CRACDL: variants seen among roughly 807,000 people sequenced by gnomAD.
CRACDL encodes CRACD like, also known as CRACD-like protein.
A neutral mutation model predicts 70.6 loss-of-function variants in CRACDL; 26 were observed. That is an observed-to-expected ratio of 0.37 (90% CI 0.27 to 0.51). The LOEUF (loss-of-function observed/expected upper bound fraction) is 0.51, where lower values mean the gene tolerates loss of function less well. CRACDL is among the 20% of genes least tolerant of loss of function. The pLI, the probability that CRACDL is intolerant of heterozygous loss-of-function variation, is 0.94. For synonymous variants in CRACDL, 618 were observed against 615.2 expected (o/e 1.00, Z -0.07); for missense variants, 1,283 against 1,376.9 (o/e 0.93, Z 1.08).
chr2:98,930,099 G>A (rs184769473), intron 1 of CRACDL, among the ~76,000 whole-genome samples: 61 of 152,184 alleles, frequency 4.0e-4, no homozygotes, highest in African/African-American at 1.3e-3. Flanking sequence ...GAGCCCAGAC[G>A]TGGCAGGGCA....
intron 2 of CRACDL, 27 bp from the exon 3 acceptor site, chr2:98,838,314 A>T: frequency 7.3e-7 from 1 of 1,361,864 alleles, no homozygotes; most frequent in Non-Finnish European, 1.0e-6. Flanking sequence ...AAAAAATAAT[A>T]AATAAGACTG....
At chr2:98,839,100 A>G (rs1373718651) in intron 2 of CRACDL, among the ~76,000 whole-genome samples, 1 of 152,186 alleles carries the variant, frequency 6.6e-6, no homozygotes, top group Non-Finnish European at 1.5e-5. Context: ...TACATCCTGA[A>G]AATTTGCACA....
intron 7 of CRACDL, among the ~76,000 whole-genome samples, chr2:98,799,623 C>T (rs1703989877): frequency 1.3e-5 from 2 of 152,310 alleles, no homozygotes; most frequent in South Asian, 4.1e-4. Flanking sequence ...TGAAAGAAGT[C>T]TCCCCGGAGC....
intron 7 of CRACDL, among the ~76,000 whole-genome samples, chr2:98,805,493 C>T (rs1332961363): frequency 6.6e-6 from 1 of 152,132 alleles, no homozygotes; most frequent in African/African-American, 2.4e-5. Context: ...CAAGTGCACC[C>T]TCCGTAGGGC....
intron 7 of CRACDL, among the ~76,000 whole-genome samples, chr2:98,810,855 G>C (rs144657257): frequency 4.7e-4 from 72 of 152,146 alleles, no homozygotes; most frequent in African/African-American, 1.7e-3. Flanking sequence ...GTCAGCAAGA[G>C]GGAGAAAAGC....
intron 5 of CRACDL, among the ~76,000 whole-genome samples, chr2:98,829,274 G>A (rs975671829): frequency 2.6e-5 from 4 of 152,252 alleles, no homozygotes; most frequent in African/African-American, 9.6e-5. Flanking sequence ...CCCCTGGTTA[G>A]GGGACCTTGG....
intron 1 of CRACDL, among the ~76,000 whole-genome samples, chr2:98,893,887 C>T (rs545479234): frequency 6.6e-6 from 1 of 152,342 alleles, no homozygotes; most frequent in African/African-American, 2.4e-5. Flanking sequence ...CACACGAACG[C>T]CCGTGCACCA....
intron 2 of CRACDL, among the ~76,000 whole-genome samples, chr2:98,842,985 A>T (rs552890562): frequency 5.9e-5 from 9 of 151,994 alleles, no homozygotes; most frequent in Non-Finnish European, 1.3e-4. Flanking sequence ...TTAACTTCAC[A>T]AGGAGCTGCC....
At chr2:98,927,291 A>AG in intron 1 of CRACDL, among the ~76,000 whole-genome samples, 1 of 152,330 alleles carries the variant, frequency 6.6e-6, no homozygotes, top group Admixed American at 6.5e-5. Context: ...GCCACGCTGG[A>AG]GGCAGCAGTT....
chr2:98,795,510 T>C (rs1316903538), intron 9 of CRACDL, among the ~76,000 whole-genome samples: 1 of 152,052 alleles, frequency 6.6e-6, no homozygotes, highest in African/African-American at 2.4e-5. Flanking sequence ...AAAAGGCAAA[T>C]CTATAGAGAC....
rs112075284 is a variant in CRACDL, at chr2:98,832,746, A to G, written c.375+116T>C. The G allele has an allele frequency of 1.4e-4, 194 of 1,342,150 alleles. No individual in the cohort carries two copies. In the African/African-American group the frequency reaches 2.4e-3, roughly 16 times the overall value. The allele number at this position is 1,342,150 out of a possible 1,614,324, so 83.1% of individuals were successfully genotyped here. A position where few individuals can be genotyped will look rare whatever the true frequency, so the allele number is the denominator to read the frequency against. On this transcript the variant is annotated intron_variant, in intron 4 of 9. Transcript: ENST00000397899. Reference sequence around the variant, plus strand: ...TTTGGTGTGTCCTGGGGGAGCTGTCATGTACATGTGATTCTACTTTACAGC... The same window carrying G: ...TTTGGTGTGTCCTGGGGGAGCTGTCGTGTACATGTGATTCTACTTTACAGC...
At chr2:98,925,301 T>C (rs992766819) in intron 1 of CRACDL, among the ~76,000 whole-genome samples, 1 of 152,188 alleles carries the variant, frequency 6.6e-6, no homozygotes, top group Non-Finnish European at 1.5e-5. Flanking sequence ...AGTGTTCACC[T>C]GCATTAAGTG....
intron 1 of CRACDL, among the ~76,000 whole-genome samples, chr2:98,929,931 G>A (rs77832239): frequency 0.014 from 2,200 of 152,158 alleles, 68 homozygotes; most frequent in African/African-American, 0.05. Flanking sequence ...AAAGACTCAC[G>A]ATACATTCGA....
chr2:98,893,088 T>A (rs1335401576), intron 1 of CRACDL, among the ~76,000 whole-genome samples: 2 of 152,236 alleles, frequency 1.3e-5, no homozygotes, highest in South Asian at 4.1e-4. Context: ...CCAGGTGCCC[T>A]CAGCCTCCAG....
chr2:98,934,636 A>G (rs1029642210), intron 1 of CRACDL, among the ~76,000 whole-genome samples: 19 of 152,194 alleles, frequency 1.2e-4, no homozygotes, highest in African/African-American at 4.3e-4. Flanking sequence ...TTTATTTTAT[A>G]AGTGAGGAAA....
In CRACDL at chr2:98,822,291, G is replaced by A. The variant is rs750433679; in HGVS notation, c.1982C>T (p.Pro661Leu). 3 of 1,544,254 alleles carry A rather than the reference G, an allele frequency of 1.9e-6. No homozygotes were observed. The highest frequency in any genetic ancestry group is 1.2e-5 in the South Asian group (1 of 83,752). ...RKSPQEAAAAPGTREPCPAAQ... is the reference protein window; with the variant it reads ...RKSPQEAAAALGTREPCPAAQ... The stretch of plus-strand genomic sequence containing the variant: ...GGCTGGGCAGGGCTCTCTCGTGCCG[G>A]GCGCGGCGGCCGCCTCCTGAGGGCT... Residue 661 changes from proline to leucine, a missense_variant, in exon 7 of 10, where the codon CCC becomes CTC. By Grantham distance (98) the Pro-to-Leu change is moderately conservative. This residue lies in a region of CRACDL where 921 missense variants were observed against 881.9 expected (regional missense o/e 1.04). Coordinates refer to ENST00000397899, the MANE Select transcript of CRACDL (RefSeq NM_207362.3). The surrounding 1 kb of genome is among the most constrained non-coding windows in gnomAD (Gnocchi z 4.9).
At chr2:98,931,636 AG>A (rs1709082808) in intron 1 of CRACDL, among the ~76,000 whole-genome samples, 1 of 152,230 alleles carries the variant, frequency 6.6e-6, no homozygotes, top group South Asian at 2.1e-4. Context: ...AGCCAGGAGA[AG>A]GCCTGAGCAA....
chr2:98,797,356 T>C lies in CRACDL; in HGVS notation c.2598A>G (p.Arg866=). 1 of 1,614,150 alleles carries C rather than the reference T, an allele frequency of 6.2e-7. No homozygotes were observed. Among genetic ancestry groups the C allele is most frequent in the South Asian group, 1.1e-5 (1 of 91,078 alleles). The change falls in exon 8 of 10, where the codon AGA becomes AGG. Residue 866 remains arginine (R), a synonymous_variant. Transcript: ENST00000397899. ...EPGKQAKVPE[R]GQEPVKQADF... Reference sequence around the variant, plus strand: ...AAGTATTTGCTCTAAGCACCTGGCCTCTCTCGGGCACCTTGGCTTGCTTTC... The same window carrying C: ...AAGTATTTGCTCTAAGCACCTGGCCCCTCTCGGGCACCTTGGCTTGCTTTC...
intron 1 of CRACDL, among the ~76,000 whole-genome samples, chr2:98,929,350 G>A (rs1157072063): frequency 1.3e-5 from 2 of 152,136 alleles, no homozygotes; most frequent in Non-Finnish European, 2.9e-5. Flanking sequence ...TGTGCCCACC[G>A]CACCTACTCC....
Sources: gnomAD v4.1 joint callset for allele counts (sites outside exome capture counted in the v4.1 genomes callset) on GRCh38, gnomAD v4.1.1 for gene constraint, gnomAD v4.1.1 regional missense constraint, Gnocchi (gnomAD v3.1) non-coding constraint, MANE v1.5 for transcripts, NCBI Gene and HGNC (gene_info 2026-07-23, HGNC 2026-07-21) for gene names.